ARID4A: variants seen among roughly 807,000 people sequenced by gnomAD.
ARID4A encodes the protein AT-rich interaction domain 4A.
Under a neutral mutation model 148.6 loss-of-function variants are expected in ARID4A, and 39 were observed. That is an observed-to-expected ratio of 0.26 (90% CI 0.20 to 0.34). ARID4A has a LOEUF of 0.34. Among genes scored for constraint, ARID4A ranks in the 10% least tolerant of loss-of-function variants. ARID4A has a pLI of 1.00. For missense variants in ARID4A, 1,265 were observed against 1,449.1 expected (o/e 0.87, Z 2.06); for synonymous variants, 475 against 481.2 (o/e 0.99, Z 0.17).
intron 17 of ARID4A, among the ~76,000 whole-genome samples, chr14:58,357,482 C>A (rs561919571): frequency 3.3e-5 from 5 of 152,290 alleles, no homozygotes; most frequent in South Asian, 2.1e-4. Context: ...TCTATTAATA[C>A]GCTACAGTCT....
Position 58,344,713 on chromosome 14 carries a change from C to G in ARID4A, c.925C>G (p.Pro309Ala). Residue 309 changes from proline to alanine, a missense_variant, in exon 12 of 24, where the codon CCT (proline) becomes GCT (alanine). Physicochemically the swap from Pro to Ala is conservative, Grantham distance 27. Around this residue, in one of 9 missense-constraint regions of ARID4A, gnomAD observed 249 missense variants for 277.2 expected, o/e 0.90. Transcript: ENST00000355431. ...EEEVPEEELD[P>A]EERDNFLQQL... ...TTTACAGCCTGAGGAAGAACTTGAT[C>G]CTGAAGAGAGGGACAACTTCCTCCA... 1.2e-6 allele frequency: 2 copies of G among 1,612,258 alleles called. No homozygotes were observed.
In ARID4A at chr14:58,330,019, C is replaced by T. The variant is rs2033432625; in HGVS notation, c.756C>T (p.Ser252=). 6.2e-7 allele frequency: 1 copy of T among 1,609,404 alleles called. No individual in the cohort carries two copies. Among genetic ancestry groups the T allele is most frequent in the East Asian group, 2.2e-5 (1 of 44,692 alleles). Reference sequence around the variant, plus strand: ...CACTCTTAGGGCTTCAGAAAGCAAGCATCTTCTTAAAAACTAGAGTTGTTC... The same window carrying T: ...CACTCTTAGGGCTTCAGAAAGCAAGTATCTTCTTAAAAACTAGAGTTGTTC... ...LSTKPGLQKA[S]IFLKTRVVPD... is the part of the protein sequence containing the mutation. Residue 252 remains serine, a synonymous_variant, in exon 11 of 24, where the codon AGC becomes AGT. Transcript: ENST00000355431.
rs555391243 is a variant in ARID4A, at chr14:58,364,591, C to T, written c.2502C>T (p.Asp834=). Residue 834 remains aspartate, a synonymous_variant, in exon 20 of 24, where the codon GAC becomes GAT. Coordinates refer to ENST00000355431, the MANE Select transcript of ARID4A (RefSeq NM_002892.4). ...EAHSLELSSL[D]NKNFSSATED... is the part of the protein sequence containing the mutation. ...ATAGTCTTGAATTGTCTTCATTAGA[C>T]AATAAAAACTTTTCTTCTGCTACAG... The T allele has an allele frequency of 1.2e-6, 2 of 1,612,756 alleles. No homozygotes were observed. The highest frequency in any genetic ancestry group is 1.1e-5 in the South Asian group (1 of 90,820).
chr14:58,336,954 C>G (rs1208303745), intron 11 of ARID4A, among the ~76,000 whole-genome samples: 1 of 150,314 alleles, frequency 6.7e-6, no homozygotes, highest in Non-Finnish European at 1.5e-5. Flanking sequence ...TGCTGTGGCG[C>G]GATTTCCACT....
intron 8 of ARID4A, among the ~76,000 whole-genome samples, chr14:58,324,692 GA>G (rs1339968828): frequency 1.3e-5 from 2 of 152,118 alleles, no homozygotes; most frequent in African/African-American, 4.8e-5. Flanking sequence ...ATGGATATTT[GA>G]GGCCATCCCT....
chr14:58,315,528 ATGTG>A (rs1253455430), intron 5 of ARID4A, among the ~76,000 whole-genome samples: 1 of 152,042 alleles, frequency 6.6e-6, no homozygotes, highest in Admixed American at 6.6e-5. Flanking sequence ...CTCCATTTAA[ATGTG>A]TGTGTGTGTC....
intron 23 of ARID4A, 92 bp downstream of exon 23, chr14:58,367,121 C>A: frequency 1.0e-6 from 1 of 991,620 alleles, no homozygotes; most frequent in Non-Finnish European, 1.4e-6. Context: ...GAATATAGTA[C>A]ACATTCATTA....
chr14:58,337,471 G>A (rs2033891499), intron 11 of ARID4A, among the ~76,000 whole-genome samples: 1 of 151,764 alleles, frequency 6.6e-6, no homozygotes, highest in Admixed American at 6.6e-5. Context: ...ATGAATGAAT[G>A]TGGATTATGC....
intron 5 of ARID4A, among the ~76,000 whole-genome samples, chr14:58,313,140 T>C (rs74055619): frequency 0.014 from 2,146 of 152,318 alleles, 46 homozygotes; most frequent in African/African-American, 0.049. Context: ...TTTTAATATT[T>C]TAATCCCTAT....
At chr14:58,318,947 G>A in intron 7 of ARID4A, 142 bp downstream of exon 7, 1 of 629,368 alleles carries the variant, frequency 1.6e-6, no homozygotes, top group Non-Finnish European at 2.7e-6. Context: ...ACCCTGAGTG[G>A]ACCTTGTTCT....
intron 3 of ARID4A, 73 bp downstream of exon 3, chr14:58,301,763 T>C (rs2031189161): frequency 1.8e-6 from 2 of 1,100,122 alleles, no homozygotes; most frequent in African/African-American, 1.5e-5. Context: ...AGACTGCAAA[T>C]CAGCATTTTA....
At chr14:58,324,880 C>T (rs975991431) in intron 8 of ARID4A, among the ~76,000 whole-genome samples, 12 of 151,920 alleles carry the variant, frequency 7.9e-5, no homozygotes, top group South Asian at 4.2e-4. Flanking sequence ...TAAACAAATA[C>T]GAGGCTTTAA....
chr14:58,331,973 C>T (rs74055623), intron 11 of ARID4A, among the ~76,000 whole-genome samples: 2,025 of 147,806 alleles, frequency 0.014, 53 homozygotes, highest in African/African-American at 0.048. Flanking sequence ...AATTGCTGTC[C>T]GTTCCAGAAT....
intron 11 of ARID4A, among the ~76,000 whole-genome samples, chr14:58,342,764 T>C (rs982731805): frequency 6.6e-6 from 1 of 152,054 alleles, no homozygotes; most frequent in Non-Finnish European, 1.5e-5. Context: ...AATACAAAAA[T>C]TAGCCAGGTG....
chr14:58,318,469 A>G, intron 5 of ARID4A, 73 bp from the exon 6 acceptor site: 6 of 1,394,306 alleles, frequency 4.3e-6, no homozygotes, highest in Non-Finnish European at 6.1e-6. Flanking sequence ...AATAGCAATA[A>G]TAGCATTCTG....
chr14:58,348,499 G>A (rs2034481677), intron 15 of ARID4A, among the ~76,000 whole-genome samples: 2 of 152,116 alleles, frequency 1.3e-5, no homozygotes, highest in South Asian at 4.1e-4. Flanking sequence ...TAGCTCTAGT[G>A]ATGCGTACAT....
intron 17 of ARID4A, 49 bp downstream of exon 17, chr14:58,353,904 A>T: frequency 6.8e-7 from 1 of 1,465,974 alleles, no homozygotes; most frequent in Non-Finnish European, 9.5e-7. Context: ...CGATGATTAA[A>T]TAGAACATCA....
chr14:58,318,527 T>C lies in ARID4A; in HGVS notation c.275-15T>C. ...TAGTGTGCATAAATTCTCTGTTATC[T>C]TTTGCTTATTATAGTGTTTGATGAT... is the stretch of plus-strand genomic sequence containing the variant. On this transcript the variant is annotated splice_polypyrimidine_tract_variant and intron_variant, in intron 5 of 23. Transcript: ENST00000355431. 6.2e-7 allele frequency: 1 copy of C among 1,613,228 alleles called. No homozygotes were observed. Among genetic ancestry groups the C allele is most frequent in the Non-Finnish European group, 8.5e-7 (1 of 1,179,284 alleles).
rs772305292 is a variant in ARID4A at position 58,364,325 on chromosome 14, G to C, written c.2236G>C (p.Glu746Gln). The C allele has an allele frequency of 2.4e-5, 38 of 1,572,010 alleles. No individual in the cohort carries two copies. Among genetic ancestry groups the C allele is most frequent in the African/African-American group, 4.1e-5 (3 of 72,374 alleles). ...NPKISAHILK[E>Q]NDRTQMQPLE... ...AAAGATTTCTGCACATATATTAAAA[G>C]AAAATGATAGGACTCAAATGCAGCC... is the stretch of plus-strand genomic sequence containing the variant. The change falls in exon 20 of 24, where the codon GAA becomes CAA. Residue 746 changes from glutamate to glutamine, a missense_variant. Glu to Gln is a conservative substitution (Grantham distance 29). This residue lies in a region of ARID4A where 666 missense variants were observed against 730.9 expected (regional missense o/e 0.91). Transcript: ENST00000355431.
Sources: allele counts gnomAD v4.1 joint callset (sites outside exome capture counted in the v4.1 genomes callset), GRCh38; gene constraint gnomAD v4.1.1; regional missense constraint gnomAD v4.1.1; transcripts MANE v1.5; gene names NCBI Gene and HGNC (gene_info 2026-07-23, HGNC 2026-07-21).